ZFPM2: variants seen among roughly 807,000 people sequenced by gnomAD.
ZFPM2 encodes zinc finger protein, FOG family member 2, also known as zinc finger protein ZFPM2.
ZFPM2 carries 20 observed loss-of-function variants against 98.6 expected under a neutral mutation model. That is an observed-to-expected ratio of 0.20 (90% CI 0.14 to 0.29). The LOEUF is 0.29. ZFPM2 is among the 10% of genes least tolerant of loss of function. The pLI, the probability that ZFPM2 is intolerant of heterozygous loss-of-function variation, is 1.00. For synonymous variants in ZFPM2, 518 were observed against 502.7 expected, an observed-to-expected ratio of 1.03 and a Z score of -0.41; for missense variants, 1,310 against 1,388.6, an observed-to-expected ratio of 0.94 and a Z score of 0.90.
chr8:105,602,029 C>T (rs1816103267), intron 4 of ZFPM2, among the ~76,000 whole-genome samples: 1 of 152,050 alleles, frequency 6.6e-6, no homozygotes, highest in Non-Finnish European at 1.5e-5. Flanking sequence ...CTTCCTCTCA[C>T]GTCCAACTGC....
intron 4 of ZFPM2, among the ~76,000 whole-genome samples, chr8:105,620,354 C>G (rs1816512978): frequency 6.6e-6 from 1 of 152,076 alleles, no homozygotes; most frequent in Non-Finnish European, 1.5e-5. Flanking sequence ...CTGTTCATAT[C>G]CTTTGCCCAC....
intron 6 of ZFPM2, among the ~76,000 whole-genome samples, chr8:105,789,332 G>A (rs985814259): frequency 7.2e-5 from 11 of 152,112 alleles, no homozygotes; most frequent in East Asian, 1.9e-4. Flanking sequence ...GAGAATATGC[G>A]GTGTTTGGTT....
chr8:105,584,209 A>T (rs1255870778), intron 4 of ZFPM2, among the ~76,000 whole-genome samples: 7 of 152,258 alleles, frequency 4.6e-5, no homozygotes, highest in African/African-American at 1.7e-4. Context: ...AAATAACATA[A>T]TTGTAGTAAT....
Position 105,318,866 on chromosome 8 carries a change from G to GGCGGCGGCA in ZFPM2, c.-69_-68insCAGCGGCGG, listed in dbSNP as rs774809657. ...GGCCAGCGGCGGCGGCGGCGGCGGC[G>GGCGGCGGCA]GCGGCGGGAGCCGAGGGAGCGGCAG... On this transcript the variant is annotated 5_prime_UTR_variant, in exon 1 of 8. Transcript: ENST00000407775. 11 of 820,170 alleles carry GGCGGCGGCA rather than the reference G, an allele frequency of 1.3e-5. No homozygotes were observed. The highest frequency in any genetic ancestry group is 1.2e-5 in the Non-Finnish European group (8 of 675,626). The allele number at this position is 820,170 out of a possible 1,614,324, so 50.8% of individuals were successfully genotyped here.
At chr8:105,615,000 C>T (rs1348075903) in intron 4 of ZFPM2, among the ~76,000 whole-genome samples, 2 of 152,086 alleles carry the variant, frequency 1.3e-5, no homozygotes, top group Non-Finnish European at 1.5e-5. Context: ...AACTATTAAA[C>T]TTTCTTCCAT....
intron 5 of ZFPM2, among the ~76,000 whole-genome samples, chr8:105,689,787 C>G (rs1253508069): frequency 6.6e-6 from 1 of 152,162 alleles, no homozygotes. Flanking sequence ...TTCAGCAGTT[C>G]AAGACTGTGT....
intron 3 of ZFPM2, among the ~76,000 whole-genome samples, chr8:105,489,252 C>G (rs1220812130): frequency 1.3e-5 from 2 of 151,630 alleles, no homozygotes; most frequent in Non-Finnish European, 2.9e-5. Flanking sequence ...TAAATATTCT[C>G]TATTTAGAAG....
At chr8:105,712,504 T>C (rs1046453584) in intron 5 of ZFPM2, among the ~76,000 whole-genome samples, 3 of 151,248 alleles carry the variant, frequency 2.0e-5, no homozygotes, top group Admixed American at 1.3e-4. Context: ...CTTACCAGCT[T>C]GTAAGAGCCA....
At chr8:105,653,322 T>C (rs1174437635) in intron 5 of ZFPM2, among the ~76,000 whole-genome samples, 2 of 152,208 alleles carry the variant, frequency 1.3e-5, no homozygotes, top group Non-Finnish European at 2.9e-5. Flanking sequence ...GTTCTTTAAG[T>C]CATTGAAATG....
intron 1 of ZFPM2, among the ~76,000 whole-genome samples, chr8:105,396,784 A>T (rs1811228741): frequency 1.3e-5 from 2 of 152,194 alleles, no homozygotes; most frequent in African/African-American, 2.4e-5. Flanking sequence ...GCTAATCAAG[A>T]AAATAAAGCC....
chr8:105,443,947 G>A (rs1812316774), intron 2 of ZFPM2, among the ~76,000 whole-genome samples: 1 of 152,060 alleles, frequency 6.6e-6, no homozygotes, highest in South Asian at 2.1e-4. Context: ...AATGAGTTAA[G>A]TTTTTCTGTA....
At chr8:105,705,627 G>A (rs1811238955) in intron 5 of ZFPM2, among the ~76,000 whole-genome samples, 2 of 152,130 alleles carry the variant, frequency 1.3e-5, no homozygotes, top group Non-Finnish European at 2.9e-5. Flanking sequence ...TAGTGAACAT[G>A]TGTGACCAAG....
chr8:105,442,662 C>T (rs1459230628), intron 2 of ZFPM2, among the ~76,000 whole-genome samples: 2 of 152,102 alleles, frequency 1.3e-5, no homozygotes, highest in Admixed American at 6.5e-5. Flanking sequence ...CCGTGCTCTC[C>T]GTTAAGTAAA....
intron 3 of ZFPM2, among the ~76,000 whole-genome samples, chr8:105,450,963 C>T (rs1381701038): frequency 4.6e-5 from 7 of 151,082 alleles, no homozygotes; most frequent in African/African-American, 1.7e-4. Context: ...AGAATTAGGA[C>T]AGACATAAAC....
intron 1 of ZFPM2, among the ~76,000 whole-genome samples, chr8:105,378,123 C>T (rs533634325): frequency 6.6e-6 from 1 of 151,998 alleles, no homozygotes; most frequent in African/African-American, 2.4e-5. Flanking sequence ...GATGATATAG[C>T]CAAATGAAAT....
Position 105,385,774 on chromosome 8 carries a change from A to G in ZFPM2, c.41-33370A>G, listed in dbSNP as rs1357238164. Among the ~76,000 whole-genome samples the G allele has an allele frequency of 2.0e-5, 3 of 152,300 alleles. No homozygotes were observed. The East Asian group carries it at 5.8e-4, about 29-fold the overall frequency. ...TTGGCACATTTTATCCATAGAGGAC[A>G]GAGAGGATAAGCTGTGAAGGACACA... On this transcript the variant is annotated intron_variant, in intron 1 of 7. Coordinates refer to ENST00000407775, the MANE Select transcript of ZFPM2 (RefSeq NM_012082.4).
At chr8:105,631,533 T>C (rs1467655025) in intron 4 of ZFPM2, among the ~76,000 whole-genome samples, 1 of 152,168 alleles carries the variant, frequency 6.6e-6, no homozygotes, top group East Asian at 1.9e-4. Flanking sequence ...TCCTTTAAAA[T>C]CCTGCCCGAA....
intron 5 of ZFPM2, among the ~76,000 whole-genome samples, chr8:105,684,002 A>G (rs1465111501): frequency 6.6e-6 from 1 of 152,188 alleles, no homozygotes; most frequent in African/African-American, 2.4e-5. Context: ...AGGACAAAGA[A>G]CATAAAACAC....
intron 4 of ZFPM2, among the ~76,000 whole-genome samples, chr8:105,577,685 T>C (rs550599224): frequency 1.3e-5 from 2 of 151,334 alleles, no homozygotes; most frequent in Non-Finnish European, 2.9e-5. Flanking sequence ...ATTTCATCTG[T>C]AGGATGAAAA....
Sources: allele counts gnomAD v4.1 joint callset (sites outside exome capture counted in the v4.1 genomes callset), GRCh38; gene constraint gnomAD v4.1.1; transcripts MANE v1.5; gene names NCBI Gene and HGNC (gene_info 2026-07-23, HGNC 2026-07-21).